SLC25A26: variants seen among roughly 807,000 people sequenced by gnomAD.
SLC25A26 encodes mitochondrial S-adenosylmethionine carrier protein.
Under a neutral mutation model 37.8 loss-of-function variants are expected in SLC25A26, and 36 were observed. The ratio of observed to expected loss-of-function variants is 0.95; its 90% CI spans 0.73 to 1.26. The LOEUF is 1.26. Ranked by LOEUF, SLC25A26 falls within the 50% of genes most tolerant of loss-of-function variation. The pLI, the probability that SLC25A26 is intolerant of heterozygous loss-of-function variation, is 0.00. For synonymous variants in SLC25A26, 129 were observed against 122.5 expected, an observed-to-expected ratio of 1.05 and a Z score of -0.35; for missense variants, 390 against 331.1, an observed-to-expected ratio of 1.18 and a Z score of -1.38.
At chr3:66,367,150 G>A (rs1197045035) in intron 7 of SLC25A26, among the ~76,000 whole-genome samples, 1 of 152,174 alleles carries the variant, frequency 6.6e-6, no homozygotes, top group Non-Finnish European at 1.5e-5. Context: ...ATTAGCTCTG[G>A]CCACCAAGGA....
In SLC25A26 at chr3:66,141,613, A is replaced by G. The variant is rs1189473381; in HGVS notation, c.-354+7629A>G. On this transcript the variant is annotated intron_variant, in intron 1 of 10. Transcript: ENST00000676754. ...CTGCAGCCTCCACTTCCTGGGTTCA[A>G]GTGATTCTCCTACGTCAGCCACCCG... Among the ~76,000 whole-genome samples the G allele has an allele frequency of 3.3e-5, 5 of 152,038 alleles. No homozygotes were observed. The South Asian group carries it at 8.3e-4, about 25-fold the overall frequency.
intron 5 of SLC25A26, among the ~76,000 whole-genome samples, chr3:66,279,925 C>A (rs1040293718): frequency 6.6e-6 from 1 of 152,126 alleles, no homozygotes; most frequent in African/African-American, 2.4e-5. Context: ...AATTTATTAT[C>A]CTTCACAGGG....
intron 1 of SLC25A26, among the ~76,000 whole-genome samples, chr3:66,185,855 C>A (rs1200096567): frequency 1.3e-5 from 2 of 152,254 alleles, no homozygotes; most frequent in Non-Finnish European, 2.9e-5. Context: ...TAAATTTGAA[C>A]TAGACTTTTA....
At chr3:66,174,067 A>G (rs947504773) in intron 1 of SLC25A26, among the ~76,000 whole-genome samples, 1 of 152,108 alleles carries the variant, frequency 6.6e-6, no homozygotes, top group African/African-American at 2.4e-5. Context: ...AAGAAAAAAA[A>G]AAAACATGAA....
intron 9 of SLC25A26, chr3:66,371,384 C>T: frequency 6.6e-7 from 1 of 1,522,192 alleles, no homozygotes; most frequent in Non-Finnish European, 8.9e-7. Flanking sequence ...TTAATCTCAG[C>T]TATTTGATGA....
chr3:66,194,824 C>G (rs1241252834), intron 1 of SLC25A26, among the ~76,000 whole-genome samples: 1 of 152,200 alleles, frequency 6.6e-6, no homozygotes, highest in African/African-American at 2.4e-5. Flanking sequence ...TGGTCTCGGA[C>G]TCCCGACCCC....
At chr3:66,202,090 T>C (rs985489404) in intron 1 of SLC25A26, among the ~76,000 whole-genome samples, 5 of 152,126 alleles carry the variant, frequency 3.3e-5, no homozygotes, top group Admixed American at 6.6e-5. Flanking sequence ...CTATTTACAA[T>C]AGCAAAGACT....
chr3:66,373,340 T>G (rs1700456099), intron 9 of SLC25A26, among the ~76,000 whole-genome samples: 1 of 152,202 alleles, frequency 6.6e-6, no homozygotes, highest in Non-Finnish European at 1.5e-5. Flanking sequence ...ACTGTACAAA[T>G]TACTCCACGT....
intron 7 of SLC25A26, among the ~76,000 whole-genome samples, chr3:66,366,366 C>T (rs780450459): frequency 2.0e-5 from 3 of 152,184 alleles, no homozygotes; most frequent in Non-Finnish European, 2.9e-5. Flanking sequence ...GACCATTATT[C>T]TATTCTATTA....
chr3:66,247,166 T>C (rs1487408572), intron 3 of SLC25A26, among the ~76,000 whole-genome samples: 15 of 151,916 alleles, frequency 9.9e-5, no homozygotes, highest in African/African-American at 3.4e-4. Context: ...GCCAGGCCCC[T>C]AGAGAATCTT....
chr3:66,260,842 CAG>C (rs1320195565), intron 3 of SLC25A26, among the ~76,000 whole-genome samples: 2 of 152,216 alleles, frequency 1.3e-5, no homozygotes. Context: ...ACAATTGTGA[CAG>C]AGACCATGTG....
At chr3:66,215,838 T>G (rs1361002040) in intron 1 of SLC25A26, among the ~76,000 whole-genome samples, 1 of 152,232 alleles carries the variant, frequency 6.6e-6, no homozygotes, top group African/African-American at 2.4e-5. Flanking sequence ...TTAATCCATT[T>G]GTGCTGCTAT....
chr3:66,200,794 G>A (rs1347439377), intron 1 of SLC25A26, among the ~76,000 whole-genome samples: 1 of 152,194 alleles, frequency 6.6e-6, no homozygotes, highest in African/African-American at 2.4e-5. Flanking sequence ...ATTACTTACA[G>A]AGGTGGTATA....
At chr3:66,250,214 T>C (rs894735827) in intron 3 of SLC25A26, among the ~76,000 whole-genome samples, 2 of 152,240 alleles carry the variant, frequency 1.3e-5, no homozygotes, top group African/African-American at 4.8e-5. Flanking sequence ...GTTCAGCTCA[T>C]CTTAGATTCC....
At chr3:66,373,383 T>TCATCTGTTGAAACCATAAACTGCTTC (rs1387760312) in intron 9 of SLC25A26, among the ~76,000 whole-genome samples, 2 of 152,212 alleles carry the variant, frequency 1.3e-5, no homozygotes, top group Non-Finnish European at 2.9e-5. Flanking sequence ...GATTCAGTGG[T>TCATCTGTTGAAACCATAAACTGCTTC]CATCTGTTGA....
chr3:66,244,890 T>C (rs1244088628), intron 3 of SLC25A26, among the ~76,000 whole-genome samples: 1 of 151,650 alleles, frequency 6.6e-6, no homozygotes, highest in Non-Finnish European at 1.5e-5. Context: ...GGCAGGAGAA[T>C]GGCATGAACC....
At chr3:66,239,119 CCTT>C (rs1313625292) in intron 2 of SLC25A26, among the ~76,000 whole-genome samples, 8 of 152,170 alleles carry the variant, frequency 5.3e-5, no homozygotes, top group African/African-American at 1.4e-4. Flanking sequence ...TTCTGGCATT[CCTT>C]CTTCTACATC....
intron 1 of SLC25A26, among the ~76,000 whole-genome samples, chr3:66,209,046 A>ATATG (rs2071229247): frequency 4.2e-5 from 1 of 23,716 alleles, no homozygotes; most frequent in African/African-American, 2.2e-4. Flanking sequence ...AGGTGTATAT[A>ATATG]TATATATATA....
At chr3:66,336,744 C>T (rs949954929) in intron 5 of SLC25A26, among the ~76,000 whole-genome samples, 2 of 152,134 alleles carry the variant, frequency 1.3e-5, no homozygotes, top group Non-Finnish European at 2.9e-5. Flanking sequence ...TCCTGATTGC[C>T]GAGTGACAAC....
Sources: gnomAD v4.1 joint callset for allele counts (sites outside exome capture counted in the v4.1 genomes callset) on GRCh38, gnomAD v4.1.1 for gene constraint, MANE v1.5 for transcripts, NCBI Gene and HGNC (gene_info 2026-07-23, HGNC 2026-07-21) for gene names.